Variants in RSRC1 observed in about 807,000 individuals in gnomAD.
The protein encoded by RSRC1 is serine/Arginine-related protein 53.
A neutral mutation model predicts 49.1 loss-of-function variants in RSRC1; 39 were observed. That is an observed-to-expected ratio of 0.79 (90% confidence interval 0.61 to 1.04). The LOEUF (loss-of-function observed/expected upper bound fraction) is 1.04. RSRC1 is among the 50% of genes least tolerant of loss of function. The probability of loss-of-function intolerance (pLI) is 0.00; values close to 1 mark genes in which losing one functional copy is unlikely to be tolerated. For missense variants in RSRC1, 388 were observed against 402.4 expected (o/e 0.96, Z 0.31); for synonymous variants, 143 against 130.8 (o/e 1.09, Z -0.63).
At chr3:158,523,003 T>G (rs1023199657) in intron 7 of RSRC1, among the ~76,000 whole-genome samples, 1 of 152,112 alleles carries the variant, frequency 6.6e-6, no homozygotes, top group Non-Finnish European at 1.5e-5. Flanking sequence ...TAAAGTAACA[T>G]GAACATGACT....
intron 3 of RSRC1, among the ~76,000 whole-genome samples, chr3:158,177,935 T>C (rs1719334534): frequency 6.6e-6 from 1 of 152,166 alleles, no homozygotes; most frequent in Non-Finnish European, 1.5e-5. Context: ...TACAGATTAG[T>C]ATGGAGAGAA....
intron 8 of RSRC1, among the ~76,000 whole-genome samples, chr3:158,542,287 T>G (rs1158378456): frequency 1.3e-5 from 2 of 152,142 alleles, no homozygotes; most frequent in Non-Finnish European, 2.9e-5. Context: ...TCCTAGCACT[T>G]TGGGAGGCCA....
At chr3:158,307,431 AATGAG>A (rs996495904) in intron 5 of RSRC1, among the ~76,000 whole-genome samples, 13 of 151,898 alleles carry the variant, frequency 8.6e-5, no homozygotes, top group Non-Finnish European at 8.8e-5. Flanking sequence ...ACCTAACTTA[AATGAG>A]ATGTTTTAGA....
At position 158,122,260 on chromosome 3, in the gene RSRC1, C is replaced by T. The variant is rs751306250; in HGVS notation, c.156C>T (p.Ser52=). 11 of 1,598,130 alleles carry T rather than the reference C, an allele frequency of 6.9e-6. No homozygotes were observed. Among genetic ancestry groups the T allele is most frequent in the African/African-American group, 4.1e-5 (3 of 73,776 alleles). The change falls in exon 2 of 10, where the codon TCC becomes TCT. Residue 52 remains serine, a synonymous_variant. Coordinates refer to ENST00000611884, the MANE Select transcript of RSRC1 (RefSeq NM_001271838.2). ...CAAGATCAAAGTCAAGATCTTGGTC[C>T]AGAGATCTTCAGCCTCGTTCACATT... The part of the protein sequence containing the change: ...RKSRSKSRSW[S]RDLQPRSHSY...
chr3:158,266,850 G>A (rs947145360), intron 4 of RSRC1, among the ~76,000 whole-genome samples: 5 of 151,702 alleles, frequency 3.3e-5, no homozygotes, highest in Admixed American at 6.6e-5. Flanking sequence ...TGCAGCCTCC[G>A]CCTCCTGGGC....
intron 7 of RSRC1, among the ~76,000 whole-genome samples, chr3:158,520,677 T>TA (rs1243867750): frequency 2.6e-5 from 4 of 152,184 alleles, no homozygotes; most frequent in Non-Finnish European, 5.9e-5. Flanking sequence ...AGTCAGCCTG[T>TA]AAAAACTCTT....
intron 3 of RSRC1, among the ~76,000 whole-genome samples, chr3:158,156,332 T>G (rs916040411): frequency 6.6e-6 from 1 of 152,216 alleles, no homozygotes; most frequent in Admixed American, 6.5e-5. Flanking sequence ...AGGCTTTCGC[T>G]CAAGGGAATG....
chr3:158,362,065 A>T (rs957764211), intron 6 of RSRC1, among the ~76,000 whole-genome samples: 2 of 152,226 alleles, frequency 1.3e-5, no homozygotes, highest in African/African-American at 4.8e-5. Flanking sequence ...TTATCCAGAC[A>T]TGGTGGCTCA....
intron 3 of RSRC1, among the ~76,000 whole-genome samples, chr3:158,184,443 G>A (rs1041953344): frequency 1.4e-4 from 21 of 152,070 alleles, no homozygotes; most frequent in African/African-American, 5.1e-4. Context: ...CCTGAGTTCT[G>A]TTTCTCATTT....
At chr3:158,455,628 A>G (rs1414188751) in intron 6 of RSRC1, among the ~76,000 whole-genome samples, 1 of 152,068 alleles carries the variant, frequency 6.6e-6, no homozygotes, top group Non-Finnish European at 1.5e-5. Context: ...TCTGATCTCC[A>G]TCATCCAAGT....
intron 5 of RSRC1, among the ~76,000 whole-genome samples, chr3:158,352,375 C>G (rs1730925984): frequency 6.6e-6 from 1 of 152,006 alleles, no homozygotes; most frequent in Non-Finnish European, 1.5e-5. Context: ...TAGAGGGAGA[C>G]TTCATGGAGT....
chr3:158,225,473 G>A (rs1722478658), intron 4 of RSRC1, among the ~76,000 whole-genome samples: 1 of 151,844 alleles, frequency 6.6e-6, no homozygotes. Context: ...ACTGATTAAA[G>A]TACTCTCCCA....
At chr3:158,341,964 C>T (rs928473328) in intron 5 of RSRC1, among the ~76,000 whole-genome samples, 3 of 152,290 alleles carry the variant, frequency 2.0e-5, no homozygotes, top group African/African-American at 4.8e-5. Context: ...CACTGGATTT[C>T]GGACTTGCAT....
At chr3:158,530,783 C>T (rs1227523622) in intron 7 of RSRC1, among the ~76,000 whole-genome samples, 2 of 151,530 alleles carry the variant, frequency 1.3e-5, no homozygotes, top group Non-Finnish European at 2.9e-5. Context: ...TAGCCCAAAC[C>T]CAGAGCCCTT....
chr3:158,273,355 A>G (rs1725627781), intron 4 of RSRC1, among the ~76,000 whole-genome samples: 1 of 152,082 alleles, frequency 6.6e-6, no homozygotes, highest in Non-Finnish European at 1.5e-5. Context: ...ATACATATAC[A>G]CACACAGATT....
chr3:158,539,740 T>C lies in RSRC1; in HGVS notation c.759+2542T>C, dbSNP rs2108507625. ...TAAAGAAGCAATTAGTGGTTCTCTC[T>C]ACAAATTTTTAATTGCCCGTTATTA... is the stretch of plus-strand genomic sequence containing the variant. On this transcript the variant is annotated intron_variant, in intron 8 of 9. Transcript: ENST00000611884. The surrounding 1 kb of genome is among the most constrained non-coding windows in gnomAD (Gnocchi z 4.1). 6.6e-6 allele frequency among the ~76,000 whole-genome samples: 1 copy of C among 152,292 alleles called. No individual in the cohort carries two copies. Among genetic ancestry groups the C allele is most frequent in the East Asian group, 1.9e-4 (1 of 5,182 alleles).
chr3:158,518,155 T>A (rs1185975183), intron 7 of RSRC1, among the ~76,000 whole-genome samples: 1 of 132,472 alleles, frequency 7.5e-6, no homozygotes, highest in Non-Finnish European at 1.6e-5. Flanking sequence ...TATATTTTTT[T>A]TTTTTTTTTT....
At chr3:158,157,698 C>G (rs900688898) in intron 3 of RSRC1, among the ~76,000 whole-genome samples, 6 of 152,094 alleles carry the variant, frequency 3.9e-5, no homozygotes, top group African/African-American at 1.4e-4. Context: ...GGCGGATCAC[C>G]TGAGGTCGGG....
At chr3:158,358,948 A>T (rs1425272254) in intron 6 of RSRC1, among the ~76,000 whole-genome samples, 1 of 151,834 alleles carries the variant, frequency 6.6e-6, no homozygotes, top group Non-Finnish European at 1.5e-5. Context: ...ACACACACAC[A>T]CACAACTTAT....
Sources: allele counts gnomAD v4.1 joint callset (sites outside exome capture counted in the v4.1 genomes callset), GRCh38; gene constraint gnomAD v4.1.1; non-coding constraint Gnocchi (gnomAD v3.1); transcripts MANE v1.5; gene names NCBI Gene and HGNC (gene_info 2026-07-23, HGNC 2026-07-21).